Variants in NAALADL2 observed in about 807,000 individuals in gnomAD.
NAALADL2 encodes inactive N-acetylated-alpha-linked acidic dipeptidase-like protein 2.
NAALADL2 carries 76 observed loss-of-function variants against 87.2 expected under a neutral mutation model. The ratio of observed to expected loss-of-function variants is 0.87; its 90% CI spans 0.72 to 1.05. The LOEUF (loss-of-function observed/expected upper bound fraction) is 1.05. Among genes scored for constraint, NAALADL2 ranks in the 50% least tolerant of loss-of-function variants. The pLI, the probability that NAALADL2 is intolerant of heterozygous loss-of-function variation, is 0.00. For synonymous variants in NAALADL2, 354 were observed against 331.0 expected (o/e 1.07, Z -0.75); for missense variants, 1,089 against 945.8 (o/e 1.15, Z -1.99).
At chr3:174,607,250 T>C (rs1719196515) in intron 2 of NAALADL2, among the ~76,000 whole-genome samples, 1 of 150,230 alleles carries the variant, frequency 6.7e-6, no homozygotes, top group Middle Eastern at 3.4e-3. Flanking sequence ...AGGAAGAAAC[T>C]GCATCAACTA....
chr3:175,163,922 T>C (rs1733603907), intron 2 of NAALADL2, among the ~76,000 whole-genome samples: 1 of 152,200 alleles, frequency 6.6e-6, no homozygotes, highest in African/African-American at 2.4e-5. Context: ...CCATTGTCAA[T>C]GATGCAGAAA....
chr3:175,173,837 C>T (rs945052517), intron 2 of NAALADL2, among the ~76,000 whole-genome samples: 14 of 152,174 alleles, frequency 9.2e-5, no homozygotes, highest in African/African-American at 2.9e-4. Context: ...TTGAAGTGGA[C>T]TTCTGCAATT....
At chr3:175,264,301 G>A (rs1560256526) in intron 4 of NAALADL2, among the ~76,000 whole-genome samples, 1 of 151,738 alleles carries the variant, frequency 6.6e-6, no homozygotes, top group Non-Finnish European at 1.5e-5. Context: ...ATAAGGTTGT[G>A]TGAAGATTAA....
intron 9 of NAALADL2, among the ~76,000 whole-genome samples, chr3:175,498,007 A>C (rs1729041219): frequency 6.6e-6 from 1 of 152,098 alleles, no homozygotes; most frequent in Non-Finnish European, 1.5e-5. Flanking sequence ...ATAATTGATA[A>C]GTTTCAAGCA....
intron 1 of NAALADL2, among the ~76,000 whole-genome samples, chr3:175,050,397 G>A (rs564495862): frequency 6.6e-6 from 1 of 152,254 alleles, no homozygotes; most frequent in South Asian, 2.1e-4. Flanking sequence ...GAGTAGCTGG[G>A]ATCACAGGGA....
intron 13 of NAALADL2, among the ~76,000 whole-genome samples, chr3:175,761,015 T>G (rs1747936704): frequency 6.6e-6 from 1 of 152,232 alleles, no homozygotes; most frequent in Non-Finnish European, 1.5e-5. Flanking sequence ...TTGGTACATT[T>G]GTTACCATGA....
At chr3:174,521,801 G>A (rs945748403) in intron 1 of NAALADL2, among the ~76,000 whole-genome samples, 2 of 151,962 alleles carry the variant, frequency 1.3e-5, no homozygotes, top group Non-Finnish European at 1.5e-5. Flanking sequence ...GAAGGAGAGG[G>A]GAATGAGGGT....
At chr3:174,481,177 G>A (rs1194973694) in intron 1 of NAALADL2, among the ~76,000 whole-genome samples, 1 of 152,086 alleles carries the variant, frequency 6.6e-6, no homozygotes, top group African/African-American at 2.4e-5. Context: ...AAACTTGGCT[G>A]GAGTGGAGAA....
At chr3:175,026,516 G>A (rs1040387441) in intron 1 of NAALADL2, among the ~76,000 whole-genome samples, 6 of 149,056 alleles carry the variant, frequency 4.0e-5, no homozygotes, top group Admixed American at 4.0e-4. Context: ...TTAGCCATAC[G>A]TGGTGGCGCA....
chr3:174,476,768 A>G (rs1475690810), intron 1 of NAALADL2, among the ~76,000 whole-genome samples: 2 of 152,050 alleles, frequency 1.3e-5, no homozygotes, highest in Admixed American at 6.6e-5. Flanking sequence ...TATCCATTAC[A>G]TTTATTTTTT....
chr3:175,491,483 A>C (rs1405794936), intron 9 of NAALADL2, among the ~76,000 whole-genome samples: 1 of 152,090 alleles, frequency 6.6e-6, no homozygotes, highest in Non-Finnish European at 1.5e-5. Context: ...AACTTTTGCT[A>C]TTGTTAAGAG....
intron 2 of NAALADL2, among the ~76,000 whole-genome samples, chr3:174,610,715 T>G (rs1013165038): frequency 3.6e-5 from 5 of 139,116 alleles, no homozygotes; most frequent in South Asian, 2.5e-4. Context: ...TACACTGTTG[T>G]TGGGACCGTA....
intron 9 of NAALADL2, among the ~76,000 whole-genome samples, chr3:175,524,530 G>C (rs1733120587): frequency 6.6e-6 from 1 of 152,076 alleles, no homozygotes; most frequent in South Asian, 2.1e-4. Context: ...TAACATCTAA[G>C]TAGTACATGA....
At chr3:175,159,333 G>A (rs767252318) in intron 2 of NAALADL2, among the ~76,000 whole-genome samples, 1 of 152,124 alleles carries the variant, frequency 6.6e-6, no homozygotes, top group African/African-American at 2.4e-5. Flanking sequence ...AAGTATATTT[G>A]CAGCAAAAAG....
intron 2 of NAALADL2, among the ~76,000 whole-genome samples, chr3:175,199,452 C>A (rs1329431553): frequency 6.6e-6 from 1 of 152,004 alleles, no homozygotes; most frequent in Non-Finnish European, 1.5e-5. Flanking sequence ...ATAATGCTTT[C>A]TTTACATATA....
intron 1 of NAALADL2, among the ~76,000 whole-genome samples, chr3:174,980,753 T>A (rs1745003529): frequency 6.6e-6 from 1 of 152,200 alleles, no homozygotes; most frequent in Admixed American, 6.5e-5. Context: ...GATAGGGACC[T>A]ATTTTTCTGT....
chr3:175,225,846 T>C (rs1438465601), intron 2 of NAALADL2, among the ~76,000 whole-genome samples: 2 of 152,068 alleles, frequency 1.3e-5, no homozygotes, highest in East Asian at 1.9e-4. Context: ...GAAATCCAAA[T>C]ATGCACTCAC....
intron 13 of NAALADL2, among the ~76,000 whole-genome samples, chr3:175,769,801 G>A (rs1011702249): frequency 4.6e-5 from 7 of 152,036 alleles, no homozygotes; most frequent in African/African-American, 1.7e-4. Context: ...ATATGAATGA[G>A]GAGGTTGGCA....
intron 2 of NAALADL2, among the ~76,000 whole-genome samples, chr3:174,557,438 C>A (rs922798243): frequency 6.6e-6 from 1 of 152,010 alleles, no homozygotes; most frequent in Non-Finnish European, 1.5e-5. Context: ...TTATTAATAT[C>A]ATAAATATCT....
Sources: gnomAD v4.1 joint callset for allele counts (sites outside exome capture counted in the v4.1 genomes callset) on GRCh38, gnomAD v4.1.1 for gene constraint, MANE v1.5 for transcripts, NCBI Gene and HGNC (gene_info 2026-07-23, HGNC 2026-07-21) for gene names.